The following JAZF1 variants were observed in gnomAD, a reference collection of about 807,000 sequenced individuals.
JAZF1 encodes juxtaposed with another zinc finger protein 1.
In JAZF1, 8 loss-of-function variants were observed where a neutral mutation model predicts 26.4. The ratio of observed to expected loss-of-function variants is 0.30; its 90% CI spans 0.18 to 0.55. The LOEUF (loss-of-function observed/expected upper bound fraction) is 0.55. JAZF1 is among the 20% of genes least tolerant of loss of function. The pLI is 0.94. For synonymous variants in JAZF1, 126 were observed against 122.3 expected, an observed-to-expected ratio of 1.03 and a Z score of -0.20; for missense variants, 199 against 322.0, an observed-to-expected ratio of 0.62 and a Z score of 2.92.
chr7:27,874,395 C>A (rs1406666598), intron 3 of JAZF1, among the ~76,000 whole-genome samples: 1 of 152,124 alleles, frequency 6.6e-6, no homozygotes, highest in African/African-American at 2.4e-5. Context: ...TTTGCCACCC[C>A]CTCAGGAACA....
intron 2 of JAZF1, among the ~76,000 whole-genome samples, chr7:27,910,344 G>C (rs557336825): frequency 6.6e-6 from 1 of 152,254 alleles, no homozygotes; most frequent in African/African-American, 2.4e-5. Context: ...ACAAATTTAT[G>C]GGTTATCTGG....
Position 27,840,577 on chromosome 7 carries a change from G to T in JAZF1, c.555+121C>A. ...GTGAGGCCCACGCACTCTAATGCAGGAGAGGGGAGTGTCTCCCCCCAGCCC... is the reference window on the plus strand; with the variant it reads ...GTGAGGCCCACGCACTCTAATGCAGTAGAGGGGAGTGTCTCCCCCCAGCCC... On this transcript the variant is annotated intron_variant, in intron 4 of 4. Coordinates refer to ENST00000283928, the MANE Select transcript of JAZF1 (RefSeq NM_175061.4). The surrounding 1 kb of genome is among the most constrained non-coding windows in gnomAD (Gnocchi z 5.1). 2.0e-6 allele frequency: 2 copies of T among 1,018,766 alleles called. No individual in the cohort carries two copies. Among genetic ancestry groups the T allele is most frequent in the Non-Finnish European group, 3.0e-6 (2 of 674,748 alleles). The allele number at this position is 1,018,766 out of a possible 1,614,324, so 63.1% of individuals were successfully genotyped here.
intron 1 of JAZF1, among the ~76,000 whole-genome samples, chr7:28,170,790 T>C (rs926999890): frequency 2.0e-5 from 3 of 152,048 alleles, no homozygotes; most frequent in Admixed American, 2.0e-4. Flanking sequence ...TGCAAACATC[T>C]TGTAAAAGAT....
chr7:27,933,754 C>A (rs1351306292), intron 2 of JAZF1, among the ~76,000 whole-genome samples: 1 of 152,100 alleles, frequency 6.6e-6, no homozygotes, highest in Non-Finnish European at 1.5e-5. Context: ...GACATGCATA[C>A]CATGTGGGCT....
intron 1 of JAZF1, among the ~76,000 whole-genome samples, chr7:28,168,938 C>T (rs1261437829): frequency 1.3e-5 from 2 of 152,188 alleles, no homozygotes; most frequent in South Asian, 2.1e-4. Flanking sequence ...ACTCAGAACC[C>T]GGGAAACCTT....
Position 28,135,153 on chromosome 7 carries a change from A to G in JAZF1, c.115+45310T>C, listed in dbSNP as rs181796898. 9.2e-4 allele frequency among the ~76,000 whole-genome samples: 140 copies of G among 152,350 alleles called. 1 individual carries two copies. The highest frequency in any genetic ancestry group is 7.3e-5 in the Non-Finnish European group (5 of 68,036). On this transcript the variant is annotated intron_variant, in intron 1 of 4. Transcript: ENST00000283928. The stretch of plus-strand genomic sequence containing the variant: ...GACTATTTGAAATACAAACATGCAC[A>G]GGTTACATTGCATACACACAGACAC...
At chr7:27,845,241 G>T (rs61446104) in intron 3 of JAZF1, among the ~76,000 whole-genome samples, 10,912 of 152,216 alleles carry the variant, frequency 0.072, 444 homozygotes, top group African/African-American at 0.1. Context: ...ACCCCTTTGG[G>T]GCCCAGAGTG....
intron 2 of JAZF1, among the ~76,000 whole-genome samples, chr7:27,900,911 T>C (rs1482959471): frequency 6.6e-6 from 1 of 152,070 alleles, no homozygotes; most frequent in Non-Finnish European, 1.5e-5. Context: ...TTTAATAAAA[T>C]AGAAATCCGT....
At chr7:27,920,944 C>T (rs1248753404) in intron 2 of JAZF1, among the ~76,000 whole-genome samples, 1 of 152,138 alleles carries the variant, frequency 6.6e-6, no homozygotes, top group Non-Finnish European at 1.5e-5. Context: ...TGAAATCATG[C>T]CACTTAATTA....
intron 1 of JAZF1, among the ~76,000 whole-genome samples, chr7:28,087,494 T>G (rs996879977): frequency 1.3e-5 from 2 of 151,368 alleles, no homozygotes; most frequent in Admixed American, 1.3e-4. Flanking sequence ...AAATAGGATT[T>G]AAAAAAAAAT....
chr7:27,865,149 C>T (rs1309043234), intron 3 of JAZF1, among the ~76,000 whole-genome samples: 2 of 152,084 alleles, frequency 1.3e-5, no homozygotes, highest in East Asian at 1.9e-4. Context: ...GCAAGCAGAT[C>T]GCTTGAGCCC....
At chr7:28,099,074 T>C (rs535554271) in intron 1 of JAZF1, among the ~76,000 whole-genome samples, 4 of 152,360 alleles carry the variant, frequency 2.6e-5, no homozygotes, top group Admixed American at 6.5e-5. Context: ...TTCTTGGGAC[T>C]TTCTATTATT....
chr7:27,904,456 T>C (rs1053302237), intron 2 of JAZF1, among the ~76,000 whole-genome samples: 4 of 152,220 alleles, frequency 2.6e-5, no homozygotes, highest in Admixed American at 1.3e-4. Context: ...GTTAATAGAA[T>C]GGCCTTTTTT....
At chr7:27,841,322 G>A (rs1384528015) in intron 3 of JAZF1, 1 of 154,410 alleles carries the variant, frequency 6.5e-6, no homozygotes, top group South Asian at 2.1e-4. Context: ...AAGTCTCCAA[G>A]GTCGGGGGTT....
intron 1 of JAZF1, among the ~76,000 whole-genome samples, chr7:28,010,304 G>A (rs911912452): frequency 1.3e-5 from 2 of 152,132 alleles, no homozygotes; most frequent in Non-Finnish European, 2.9e-5. Context: ...GCTCCACCTA[G>A]GGCCACAGCT....
At chr7:27,923,720 G>A (rs1016322445) in intron 2 of JAZF1, among the ~76,000 whole-genome samples, 1 of 152,202 alleles carries the variant, frequency 6.6e-6, no homozygotes. Flanking sequence ...GACAGGTGAT[G>A]AGGATTAGGC....
rs369223183 is a variant in JAZF1 at position 27,857,132 on chromosome 7, C to T, written c.386-16265G>A. Among the ~76,000 whole-genome samples the T allele has an allele frequency of 1.1e-4, 16 of 152,328 alleles. No individual in the cohort carries two copies. In the East Asian group the frequency reaches 2.3e-3, roughly 22 times the overall value. ...CGGCGCTCGTCGGGGAGGCTTGGGC[C>T]GCGCAGGAGCCCATGGGGGCGGGGG... On this transcript the variant is annotated intron_variant, in intron 3 of 4. Transcript: ENST00000283928.
intron 1 of JAZF1, among the ~76,000 whole-genome samples, chr7:28,158,340 G>C (rs941615272): frequency 1.3e-5 from 2 of 152,120 alleles, no homozygotes; most frequent in Admixed American, 1.3e-4. Flanking sequence ...TTATTGGTGG[G>C]GCTTTCCAGT....
intron 1 of JAZF1, among the ~76,000 whole-genome samples, chr7:28,044,264 T>A (rs1030928237): frequency 6.6e-6 from 1 of 152,172 alleles, no homozygotes; most frequent in Non-Finnish European, 1.5e-5. Context: ...TTCCTTCCTC[T>A]CAACATTCCT....
Sources: gnomAD v4.1 joint callset for allele counts (sites outside exome capture counted in the v4.1 genomes callset) on GRCh38, gnomAD v4.1.1 for gene constraint, Gnocchi (gnomAD v3.1) non-coding constraint, MANE v1.5 for transcripts, NCBI Gene and HGNC (gene_info 2026-07-23, HGNC 2026-07-21) for gene names.